Variants in C1D observed in about 807,000 individuals in gnomAD.
The protein encoded by C1D is C1D nuclear receptor corepressor.
A neutral mutation model predicts 17.5 loss-of-function variants in C1D; 10 were observed. The ratio of observed to expected loss-of-function variants is 0.57; its 90% CI spans 0.35 to 0.97. The LOEUF (loss-of-function observed/expected upper bound fraction) is 0.97. Among genes scored for constraint, C1D ranks in the 50% least tolerant of loss-of-function variants. The pLI is 0.01. For missense variants in C1D, 136 were observed against 160.1 expected (o/e 0.85, Z 0.81); for synonymous variants, 49 against 54.0 (o/e 0.91, Z 0.40).
At chr2:68,062,224 G>C (rs1021555692) in intron 1 of C1D, among the ~76,000 whole-genome samples, 2 of 152,094 alleles carry the variant, frequency 1.3e-5, no homozygotes, top group Non-Finnish European at 2.9e-5. Flanking sequence ...AAAAAATCAC[G>C]GTTAAGTCTT....
Position 68,047,230 on chromosome 2 carries a change from A to G in C1D, c.81T>C (p.Ala27=), listed in dbSNP as rs1291156163. The change falls in exon 2 of 5, where the codon GCT becomes GCC. Residue 27 remains alanine, a synonymous_variant. Transcript: ENST00000410067. ...YLSAFENSIG[A]VDEMLKTMMS... ...TCATGGTCTTCAGCATCTCATCCAC[A>G]GCACCAATGGAATTCTCAAACGCTG... 1 of 1,612,436 alleles carries G rather than the reference A, an allele frequency of 6.2e-7. No individual in the cohort carries two copies. The highest frequency in any genetic ancestry group is 8.5e-7 in the Non-Finnish European group (1 of 1,179,496).
rs1237247434 is a variant in C1D at position 68,041,829 on chromosome 2, A to G, written c.*1060T>C. On this transcript the variant is annotated 3_prime_UTR_variant, in exon 5 of 5. Transcript: ENST00000410067. ...ATAATGATATGGATTCAAACACTGA[A>G]AGCATTAAGGGCATATAATTAAAAT... 1 of 152,074 alleles carries G rather than the reference A, an allele frequency of 6.6e-6. No homozygotes were observed. The highest frequency in any genetic ancestry group is 1.5e-5 in the Non-Finnish European group (1 of 67,902). 9.4% of individuals were successfully genotyped at this position (152,074 alleles called of 1,614,324 possible). A position where few individuals can be genotyped will look rare whatever the true frequency, so the allele number is the denominator to read the frequency against.
chr2:68,047,724 C>G (rs1275159142), intron 1 of C1D, among the ~76,000 whole-genome samples: 1 of 152,086 alleles, frequency 6.6e-6, no homozygotes, highest in Non-Finnish European at 1.5e-5. Context: ...GCCACCATGC[C>G]CAGGTAATTT....
chr2:68,044,665 G>GAC (rs565451518), intron 4 of C1D, among the ~76,000 whole-genome samples: 5 of 151,696 alleles, frequency 3.3e-5, no homozygotes, highest in Non-Finnish European at 7.4e-5. Context: ...CCAAGATCAC[G>GAC]ACACTGCACT....
At chr2:68,062,394 AT>A (rs1572891579) in intron 1 of C1D, among the ~76,000 whole-genome samples, 1 of 152,228 alleles carries the variant, frequency 6.6e-6, no homozygotes, top group Admixed American at 6.5e-5. Flanking sequence ...CACTGAACTT[AT>A]CCGGGTCATC....
chr2:68,042,412 T>C lies in C1D; in HGVS notation c.*477A>G, dbSNP rs1670982814. 6.5e-6 allele frequency: 1 copy of C among 152,710 alleles called. No individual in the cohort carries two copies. The highest frequency in any genetic ancestry group is 1.5e-5 in the Non-Finnish European group (1 of 68,076). The allele number at this position is 152,710 out of a possible 1,614,324, so 9.5% of individuals were successfully genotyped here. On this transcript the variant is annotated 3_prime_UTR_variant, in exon 5 of 5. Transcript: ENST00000410067. ...AACAAAGCAGTAATTCCTAAAATCA[T>C]GAAAACATGATAAAGTATCTATACA...
At chr2:68,048,281 AT>A (rs113222074) in intron 1 of C1D, among the ~76,000 whole-genome samples, 3 of 152,188 alleles carry the variant, frequency 2.0e-5, no homozygotes, top group African/African-American at 7.2e-5. Flanking sequence ...AATAAAAAAA[AT>A]TTTTTTTGTA....
rs186475250 is a variant in C1D, at chr2:68,060,920, T to G, written c.-10+2038A>C. On this transcript the variant is annotated intron_variant, in intron 1 of 4. Coordinates refer to ENST00000410067, the MANE Select transcript of C1D (RefSeq NM_173177.3). ...AGTTAGCAACTATTTGTTTACTAAC[T>G]AAAACCAATCAAAGTAACCTAAGAC... 3.3e-5 allele frequency among the ~76,000 whole-genome samples: 5 copies of G among 152,298 alleles called. No individual in the cohort carries two copies. In the East Asian group the frequency reaches 9.6e-4, roughly 29 times the overall value.
chr2:68,044,653 A>C (rs1671066883), intron 4 of C1D, among the ~76,000 whole-genome samples: 1 of 152,148 alleles, frequency 6.6e-6, no homozygotes, highest in African/African-American at 2.4e-5. Flanking sequence ...GCTTGCAGTG[A>C]GCCAAGATCA....
intron 3 of C1D, 25 bp downstream of exon 3, chr2:68,046,319 A>C (rs1671120461): frequency 6.5e-7 from 1 of 1,546,284 alleles, no homozygotes; most frequent in Admixed American, 1.8e-5. Flanking sequence ...TTGCTTTCTA[A>C]TTAATTCCAA....
intron 1 of C1D, among the ~76,000 whole-genome samples, chr2:68,051,888 ATATT>A (rs1373101311): frequency 6.6e-6 from 1 of 151,776 alleles, no homozygotes. Context: ...CAACTAACAT[ATATT>A]TATTTGTTGC....
chr2:68,049,385 TA>T (rs908420740), intron 1 of C1D, among the ~76,000 whole-genome samples: 6 of 152,162 alleles, frequency 3.9e-5, no homozygotes, highest in African/African-American at 1.4e-4. Context: ...TAGATAAAGG[TA>T]TAAGTATAGG....
chr2:68,056,557 C>T (rs1408483225), intron 1 of C1D, among the ~76,000 whole-genome samples: 2 of 152,130 alleles, frequency 1.3e-5, no homozygotes, highest in African/African-American at 4.8e-5. Flanking sequence ...TTTAAAGCCT[C>T]TATGAATCAA....
intron 1 of C1D, chr2:68,052,994 C>T: frequency 6.5e-7 from 1 of 1,530,688 alleles, no homozygotes; most frequent in Non-Finnish European, 8.8e-7. Context: ...TAAACTGAGC[C>T]AAAAGAAGTT....
rs1196420754 is a variant in C1D at position 68,041,287 on chromosome 2, A to G, written c.*1602T>C. The G allele has an allele frequency of 6.6e-6, 1 of 152,092 alleles. No homozygotes were observed. The highest frequency in any genetic ancestry group is 1.5e-5 in the Non-Finnish European group (1 of 67,906). 9.4% of individuals were successfully genotyped at this position (152,092 alleles called of 1,614,324 possible). On this transcript the variant is annotated 3_prime_UTR_variant, in exon 5 of 5. Transcript: ENST00000410067. ...CGTAGAGGTGCACTTTCATAAACCAATAACTTAGCTAAAACCAATAATGAT... is the reference window on the plus strand; with the variant it reads ...CGTAGAGGTGCACTTTCATAAACCAGTAACTTAGCTAAAACCAATAATGAT...
At chr2:68,052,203 G>A (rs1247122247) in intron 1 of C1D, among the ~76,000 whole-genome samples, 1 of 151,610 alleles carries the variant, frequency 6.6e-6, no homozygotes, top group African/African-American at 2.4e-5. Context: ...ATGCCATTTG[G>A]TTTTTAAAAA....
At chr2:68,062,711 A>C (rs1671670893) in intron 1 of C1D, among the ~76,000 whole-genome samples, 1 of 152,180 alleles carries the variant, frequency 6.6e-6, no homozygotes, top group Admixed American at 6.5e-5. Flanking sequence ...AGACCGGAGC[A>C]AAAGAGAGAA....
At position 68,042,722 on chromosome 2, in the gene C1D, G is replaced by T; in HGVS notation, c.*167C>A. 1 of 488,164 alleles carries T rather than the reference G, an allele frequency of 2.0e-6. No individual in the cohort carries two copies. Among genetic ancestry groups the T allele is most frequent in the Non-Finnish European group, 3.8e-6 (1 of 262,490 alleles). 30.2% of individuals were successfully genotyped at this position (488,164 alleles called of 1,614,324 possible). On this transcript the variant is annotated 3_prime_UTR_variant, in exon 5 of 5. Transcript: ENST00000410067. ...AAAATCCTCAGTGCTAATCAATAAAGATAATGATCTTTGGAGAGGAAAGTA... is the reference window on the plus strand; with the variant it reads ...AAAATCCTCAGTGCTAATCAATAAATATAATGATCTTTGGAGAGGAAAGTA...
At chr2:68,051,298 A>C (rs892293919) in intron 1 of C1D, among the ~76,000 whole-genome samples, 4 of 152,106 alleles carry the variant, frequency 2.6e-5, no homozygotes, top group Non-Finnish European at 4.4e-5. Flanking sequence ...GCAGGAGGAC[A>C]GCTTGAGCCC....
Sources: gnomAD v4.1 joint callset for allele counts (sites outside exome capture counted in the v4.1 genomes callset) on GRCh38, gnomAD v4.1.1 for gene constraint, MANE v1.5 for transcripts, NCBI Gene and HGNC (gene_info 2026-07-23, HGNC 2026-07-21) for gene names.